Variants in HLCS observed in about 807,000 individuals in gnomAD.
HLCS encodes biotin--protein ligase.
HLCS carries 53 observed loss-of-function variants against 75.0 expected under a neutral mutation model. The observed-to-expected ratio is 0.71, with a 90% CI of 0.57 to 0.89. The LOEUF (loss-of-function observed/expected upper bound fraction) is 0.89, where lower values mean the gene tolerates loss of function less well. HLCS is among the 40% of genes least tolerant of loss of function. The pLI, the probability that HLCS is intolerant of heterozygous loss-of-function variation, is 0.00. For synonymous variants in HLCS, 431 were observed against 428.6 expected, an observed-to-expected ratio of 1.01 and a Z score of -0.07; for missense variants, 966 against 1,074.0, an observed-to-expected ratio of 0.90 and a Z score of 1.41.
chr21:36,965,287 A>G (rs1173457090), intron 1 of HLCS, among the ~76,000 whole-genome samples: 1 of 152,216 alleles, frequency 6.6e-6, no homozygotes, highest in Non-Finnish European at 1.5e-5. Context: ...ATTCCAGAAA[A>G]CAGAGGAAAG....
chr21:36,791,215 G>A (rs1268607806), intron 6 of HLCS, among the ~76,000 whole-genome samples: 1 of 152,086 alleles, frequency 6.6e-6, no homozygotes, highest in African/African-American at 2.4e-5. Context: ...AGCAAGAATC[G>A]CATAAGGAAA....
At chr21:36,792,471 G>A (rs1411176946) in intron 6 of HLCS, among the ~76,000 whole-genome samples, 4 of 137,852 alleles carry the variant, frequency 2.9e-5, no homozygotes, top group Admixed American at 1.4e-4. Flanking sequence ...GGAGGGAAGG[G>A]AGAGGGGGAG....
Position 36,937,272 on chromosome 21 carries a change from A to G in HLCS, c.614T>C (p.Met205Thr), listed in dbSNP as rs1251910502. The change falls in exon 4 of 11, where the codon ATG (methionine) becomes ACG (threonine). Residue 205 changes from methionine to threonine, a missense_variant. Physicochemically the swap from Met to Thr is moderately conservative, Grantham distance 81 (BLOSUM62 -1). Coordinates refer to ENST00000674895, the MANE Select transcript of HLCS (RefSeq NM_001352514.2). Reference sequence around the variant, plus strand: ...TGGGTCATCTCTGCCAACATGCTCCATACCGTCCTGCTCAGGCTTAATCTC... The same window carrying G: ...TGGGTCATCTCTGCCAACATGCTCCGTACCGTCCTGCTCAGGCTTAATCTC... ...SLEIKPEQDGMEHVGRDDPKA... is the reference protein window; with the variant it reads ...SLEIKPEQDGTEHVGRDDPKA... The G allele has an allele frequency of 1.9e-6, 3 of 1,613,976 alleles. No homozygotes were observed. Among genetic ancestry groups the G allele is most frequent in the Middle Eastern group, 3.3e-4 (2 of 6,084 alleles).
chr21:36,754,520 G>T, intron 10 of HLCS, 103 bp from the exon 11 acceptor site: 1 of 1,243,574 alleles, frequency 8.0e-7, no homozygotes, highest in Non-Finnish European at 1.1e-6. Context: ...GCGTGCTGGG[G>T]AGAGGGCTGA....
rs756461074 is a variant in HLCS at position 36,835,037 on chromosome 21, G to A, written c.1892+61823C>T. 1.9e-4 allele frequency among the ~76,000 whole-genome samples: 29 copies of A among 152,172 alleles called. 1 individual carries two copies. The highest frequency in any genetic ancestry group is 1.8e-3 in the Admixed American group (28 of 15,270). On this transcript the variant is annotated intron_variant, in intron 6 of 10. Coordinates refer to ENST00000674895, the MANE Select transcript of HLCS (RefSeq NM_001352514.2). Reference sequence around the variant, plus strand: ...GAACAGAAGATTCTCGAGATTCCCAGGTGAGGGTCTTCAGCCTCATCTCAC... The same window carrying A: ...GAACAGAAGATTCTCGAGATTCCCAAGTGAGGGTCTTCAGCCTCATCTCAC...
chr21:36,980,723 T>G (rs1034005302), intron 1 of HLCS: 2 of 151,926 alleles, frequency 1.3e-5, no homozygotes. Context: ...CCCAGGGGGG[T>G]GAAGGCGTAG....
chr21:36,873,214 T>C (rs1039525113), intron 6 of HLCS, among the ~76,000 whole-genome samples: 1 of 151,988 alleles, frequency 6.6e-6, no homozygotes, highest in Admixed American at 6.6e-5. Flanking sequence ...ACCTCCCGGG[T>C]TGAAGCGATT....
chr21:36,918,641 G>C (rs1377277458), intron 5 of HLCS, among the ~76,000 whole-genome samples: 1 of 152,236 alleles, frequency 6.6e-6, no homozygotes, highest in Non-Finnish European at 1.5e-5. Flanking sequence ...AAGAGAGGGT[G>C]AGGAACTCAT....
chr21:36,784,354 C>CA (rs903585196), intron 6 of HLCS, among the ~76,000 whole-genome samples: 6 of 147,316 alleles, frequency 4.1e-5, no homozygotes, highest in African/African-American at 1.5e-4. Context: ...TCTTGCTCTT[C>CA]ACCCAGCCTG....
intron 6 of HLCS, among the ~76,000 whole-genome samples, chr21:36,862,953 T>TC: frequency 6.6e-6 from 1 of 151,860 alleles, no homozygotes; most frequent in East Asian, 1.9e-4. Context: ...CTCTTTTTTT[T>TC]TTTTTTTTTA....
intron 6 of HLCS, among the ~76,000 whole-genome samples, chr21:36,788,184 G>A (rs915544016): frequency 6.6e-6 from 1 of 152,192 alleles, no homozygotes; most frequent in Admixed American, 6.5e-5. Flanking sequence ...CATGCCAAAT[G>A]CTCGGTGAAG....
In HLCS at chr21:36,940,387, G is replaced by A. The variant is rs115263173; in HGVS notation, c.331-1393C>T. 6.6e-3 allele frequency among the ~76,000 whole-genome samples: 1,001 copies of A among 151,928 alleles called. 13 individuals carry two copies. The highest frequency in any genetic ancestry group is 0.023 in the African/African-American group (933 of 41,442). ...AGATGAGTACTCGCTCTATCACCCA[G>A]GCTGGTCTTGAACTCCTGGCCTTGA... On this transcript the variant is annotated intron_variant, in intron 2 of 10. Coordinates refer to ENST00000674895, the MANE Select transcript of HLCS (RefSeq NM_001352514.2).
At chr21:36,938,700 T>C (rs2067004140) in intron 3 of HLCS, 132 bp downstream of exon 3, 1 of 860,024 alleles carries the variant, frequency 1.2e-6, no homozygotes, top group African/African-American at 1.7e-5. Context: ...GAGATAGGGG[T>C]CTATGCTGCT....
intron 6 of HLCS, among the ~76,000 whole-genome samples, chr21:36,844,145 G>A (rs562410075): frequency 6.6e-6 from 1 of 152,298 alleles, no homozygotes; most frequent in East Asian, 1.9e-4. Flanking sequence ...CACAGGGAAT[G>A]TTTAGGGCAC....
At chr21:36,922,478 C>T (rs1388141770) in intron 5 of HLCS, among the ~76,000 whole-genome samples, 1 of 152,216 alleles carries the variant, frequency 6.6e-6, no homozygotes, top group African/African-American at 2.4e-5. Flanking sequence ...CCAAACTCGG[C>T]ATGCTGTACC....
At chr21:36,985,438 T>C (rs1910425312) in intron 1 of HLCS, among the ~76,000 whole-genome samples, 1 of 151,292 alleles carries the variant, frequency 6.6e-6, no homozygotes, top group African/African-American at 2.4e-5. Context: ...TTTGAGATCA[T>C]CCTGGCCAAC....
intron 6 of HLCS, among the ~76,000 whole-genome samples, chr21:36,807,301 A>C (rs985418923): frequency 2.2e-4 from 34 of 152,194 alleles, no homozygotes; most frequent in African/African-American, 7.2e-4. Flanking sequence ...GATTCTCCCA[A>C]GGCGAGCCTC....
At chr21:36,848,378 T>C (rs2062871311) in intron 6 of HLCS, among the ~76,000 whole-genome samples, 1 of 151,218 alleles carries the variant, frequency 6.6e-6, no homozygotes, top group Admixed American at 6.6e-5. Flanking sequence ...CAAGCAATTC[T>C]CCTGCCTCAG....
At chr21:36,906,175 T>C (rs374901535) in intron 5 of HLCS, among the ~76,000 whole-genome samples, 4 of 152,002 alleles carry the variant, frequency 2.6e-5, no homozygotes, top group East Asian at 1.9e-4. Flanking sequence ...TTTAGGGACA[T>C]ATTTAACAAA....
Sources: gnomAD v4.1 joint callset for allele counts (sites outside exome capture counted in the v4.1 genomes callset) on GRCh38, gnomAD v4.1.1 for gene constraint, MANE v1.5 for transcripts, NCBI Gene and HGNC (gene_info 2026-07-23, HGNC 2026-07-21) for gene names.